Variants in OR1L6 observed in about 807,000 individuals in gnomAD.
OR1L6 encodes olfactory receptor 1L6.
A neutral mutation model predicts 3.0 loss-of-function variants in OR1L6; 2 were observed. That is an observed-to-expected ratio of 0.68 (90% CI 0.28 to 2.13). The LOEUF is 2.13. OR1L6 is among the 30% of genes most tolerant of loss of function. OR1L6 has a pLI of 0.14. For synonymous variants in OR1L6, 121 were observed against 148.4 expected, an observed-to-expected ratio of 0.82 and a Z score of 1.34; for missense variants, 304 against 378.4, an observed-to-expected ratio of 0.80 and a Z score of 1.63.
intron 1 of OR1L6, among the ~76,000 whole-genome samples, chr9:122,743,789 C>T (rs1828810272): frequency 6.6e-6 from 1 of 152,086 alleles, no homozygotes; most frequent in South Asian, 2.1e-4. Context: ...GAATTGGAGG[C>T]AGAAATGCGT....
chr9:122,750,383 T>C lies in OR1L6; in HGVS notation c.536T>C (p.Phe179Ser). 6.2e-7 allele frequency: 1 copy of C among 1,612,914 alleles called. No individual in the cohort carries two copies. The highest frequency in any genetic ancestry group is 1.6e-4 in the Middle Eastern group (1 of 6,062). Residue 179 changes from phenylalanine to serine, a missense_variant, in exon 2 of 2, where the codon TTC becomes TCC. Phe to Ser is a radical substitution (Grantham distance 155, BLOSUM62 -2). Transcript: ENST00000304720. ...FCASHIIKHFFCDTQPVLKLS... is the reference protein window; with the variant it reads ...FCASHIIKHFSCDTQPVLKLS... Reference sequence around the variant, plus strand: ...GCCTCTCACATCATTAAGCACTTTTTCTGTGACACCCAGCCTGTGCTAAAG... The same window carrying C: ...GCCTCTCACATCATTAAGCACTTTTCCTGTGACACCCAGCCTGTGCTAAAG...
chr9:122,744,129 TG>T (rs1369832086), intron 1 of OR1L6, among the ~76,000 whole-genome samples: 5 of 152,344 alleles, frequency 3.3e-5, no homozygotes, highest in Middle Eastern at 3.4e-3. Flanking sequence ...GAGGATTAAA[TG>T]AAACAAGTGG....
intron 1 of OR1L6, among the ~76,000 whole-genome samples, chr9:122,743,803 G>A (rs1422988308): frequency 6.6e-6 from 1 of 152,176 alleles, no homozygotes; most frequent in South Asian, 2.1e-4. Flanking sequence ...AATGCGTGTA[G>A]GAAGGAAGGA....
At position 122,750,082 on chromosome 9, in the gene OR1L6, G is replaced by T; in HGVS notation, c.235G>T (p.Val79Leu). The change falls in exon 2 of 2, where the codon GTG becomes TTG. Residue 79 changes from valine (V) to leucine (L), a missense_variant. Around this residue, in one of 3 missense-constraint regions of OR1L6, gnomAD observed 192 missense variants for 242.7 expected, o/e 0.79. Transcript: ENST00000304720. ...FMDICFTTVI[V>L]PKMLVNFLSE... The stretch of plus-strand genomic sequence containing the variant: ...GGATATCTGCTTCACAACAGTCATA[G>T]TGCCTAAGATGCTGGTGAATTTTCT... 1.9e-6 allele frequency: 3 copies of T among 1,614,102 alleles called. No homozygotes were observed. Among genetic ancestry groups the T allele is most frequent in the Non-Finnish European group, 2.5e-6 (3 of 1,180,028 alleles).
intron 1 of OR1L6, among the ~76,000 whole-genome samples, chr9:122,749,535 G>A (rs888283162): frequency 6.6e-5 from 10 of 151,954 alleles, no homozygotes; most frequent in African/African-American, 4.8e-5. Flanking sequence ...GTGAAACCCC[G>A]TCTCTACTAA....
intron 1 of OR1L6, 25 bp from the exon 2 acceptor site, chr9:122,749,810 C>T (rs1015070565): frequency 1.0e-5 from 16 of 1,607,262 alleles, no homozygotes; most frequent in Admixed American, 8.3e-5. Context: ...ACATCTCTCC[C>T]ACTGCTTCTC....
intron 1 of OR1L6, among the ~76,000 whole-genome samples, chr9:122,748,983 A>G (rs1828863013): frequency 6.6e-6 from 1 of 151,910 alleles, no homozygotes; most frequent in African/African-American, 2.4e-5. Context: ...CACTTCTTTT[A>G]TTCATTCATC....
chr9:122,743,999 A>C (rs1000469600), intron 1 of OR1L6, among the ~76,000 whole-genome samples: 1 of 152,180 alleles, frequency 6.6e-6, no homozygotes, highest in Non-Finnish European at 1.5e-5. Context: ...CATAATTTAC[A>C]GTCAGTGTGC....
rs1828875659 is a variant in OR1L6, at chr9:122,750,080, T to C, written c.233T>C (p.Ile78Thr). ...ATGGATATCTGCTTCACAACAGTCA[T>C]AGTGCCTAAGATGCTGGTGAATTTT... The part of the protein sequence containing the change: ...SFMDICFTTV[I>T]VPKMLVNFLS... Residue 78 changes from isoleucine (I) to threonine (T), a missense_variant, in exon 2 of 2, where the codon ATA (isoleucine) becomes ACA (threonine). Ile to Thr is a moderately conservative substitution (Grantham distance 89). Around this residue, in one of 3 missense-constraint regions of OR1L6, gnomAD observed 192 missense variants for 242.7 expected, o/e 0.79. Coordinates refer to ENST00000304720, the MANE Select transcript of OR1L6 (RefSeq NM_001004453.3). The C allele has an allele frequency of 6.2e-7, 1 of 1,614,148 alleles. No homozygotes were observed. The highest frequency in any genetic ancestry group is 8.5e-7 in the Non-Finnish European group (1 of 1,180,022).
chr9:122,747,741 T>A (rs980647990), intron 1 of OR1L6, among the ~76,000 whole-genome samples: 7 of 152,072 alleles, frequency 4.6e-5, no homozygotes, highest in Non-Finnish European at 8.8e-5. Flanking sequence ...TATTTAATTT[T>A]ATCTGGTTAG....
intron 1 of OR1L6, among the ~76,000 whole-genome samples, chr9:122,744,466 A>G (rs758377454): frequency 6.6e-5 from 10 of 152,204 alleles, no homozygotes; most frequent in Non-Finnish European, 1.2e-4. Flanking sequence ...AGTAAACAAG[A>G]AAAGGAAAAA....
chr9:122,744,833 G>A (rs1828818967), intron 1 of OR1L6, among the ~76,000 whole-genome samples: 1 of 152,214 alleles, frequency 6.6e-6, no homozygotes, highest in South Asian at 2.1e-4. Context: ...CATCTATTTG[G>A]AAGTGAAATG....
chr9:122,748,394 T>C (rs867025833), intron 1 of OR1L6, among the ~76,000 whole-genome samples: 37 of 150,552 alleles, frequency 2.5e-4, no homozygotes, highest in Non-Finnish European at 4.0e-4. Flanking sequence ...AACCACTTCC[T>C]CTGGAACAAA....
chr9:122,744,672 A>G (rs551740350), intron 1 of OR1L6, among the ~76,000 whole-genome samples: 49 of 152,328 alleles, frequency 3.2e-4, no homozygotes, highest in African/African-American at 1.0e-3. Context: ...GGCAAGACCC[A>G]TCATTAAAAT....
At chr9:122,749,758 C>T (rs1369658682) in intron 1 of OR1L6, 77 bp from the exon 2 acceptor site, 2 of 1,330,726 alleles carry the variant, frequency 1.5e-6, no homozygotes, top group East Asian at 2.3e-5. Context: ...TTTTTACAGG[C>T]TTAAGCTTAT....
rs760164659 is a variant in OR1L6 at position 122,749,961 on chromosome 9, C to T, written c.114C>T (p.Leu38=). The stretch of plus-strand genomic sequence containing the variant: ...CCATCTTCCTCATCATGTACCTGCT[C>T]GCTGCGGTGGGGAATGTGCTCATCA... ...LFAIFLIMYL[L]AAVGNVLIIP... is the part of the protein sequence containing the mutation. Residue 38 remains leucine, a synonymous_variant, in exon 2 of 2, where the codon CTC becomes CTT. Transcript: ENST00000304720. The T allele has an allele frequency of 1.5e-5, 24 of 1,614,152 alleles. No individual in the cohort carries two copies. The highest frequency in any genetic ancestry group is 8.8e-5 in the South Asian group (8 of 91,068).
intron 1 of OR1L6, among the ~76,000 whole-genome samples, chr9:122,746,268 T>C (rs1828836150): frequency 6.6e-6 from 1 of 152,194 alleles, no homozygotes; most frequent in South Asian, 2.1e-4. Flanking sequence ...ACACTCTAAA[T>C]TTATATCTGT....
intron 1 of OR1L6, among the ~76,000 whole-genome samples, chr9:122,744,984 C>A (rs1019688378): frequency 1.3e-5 from 2 of 152,156 alleles, no homozygotes; most frequent in Admixed American, 6.5e-5. Context: ...TAGCCCTTTA[C>A]CACCAGGATA....
intron 1 of OR1L6, among the ~76,000 whole-genome samples, chr9:122,746,093 C>T (rs1481706515): frequency 6.6e-6 from 1 of 152,104 alleles, no homozygotes; most frequent in Non-Finnish European, 1.5e-5. Flanking sequence ...CTTTGTTCAA[C>T]TCAAAAATGG....
Sources: gnomAD v4.1 joint callset for allele counts (sites outside exome capture counted in the v4.1 genomes callset) on GRCh38, gnomAD v4.1.1 for gene constraint, gnomAD v4.1.1 regional missense constraint, MANE v1.5 for transcripts, NCBI Gene and HGNC (gene_info 2026-07-23, HGNC 2026-07-21) for gene names.